The following PPP2R5E variants were observed in gnomAD, a reference collection of about 807,000 sequenced individuals.
PPP2R5E encodes the protein protein phosphatase 2 regulatory subunit B'epsilon.
In PPP2R5E, 4 loss-of-function variants were observed where a neutral mutation model predicts 65.3. The ratio of observed to expected loss-of-function variants is 0.06; its 90% CI spans 0.03 to 0.14. The LOEUF is 0.14. Among genes scored for constraint, PPP2R5E ranks in the 10% least tolerant of loss-of-function variants. PPP2R5E has a pLI of 1.00. For synonymous variants in PPP2R5E, 183 were observed against 187.4 expected, an observed-to-expected ratio of 0.98 and a Z score of 0.19; for missense variants, 274 against 556.1, an observed-to-expected ratio of 0.49 and a Z score of 5.10.
chr14:63,440,981 G>A (rs118111274), intron 3 of PPP2R5E, among the ~76,000 whole-genome samples: 1 of 149,918 alleles, frequency 6.7e-6, no homozygotes, highest in Non-Finnish European at 1.5e-5. Flanking sequence ...TATGGGTTCT[G>A]GAACCAGATC....
At chr14:63,465,467 A>C (rs892221009) in intron 2 of PPP2R5E, among the ~76,000 whole-genome samples, 12 of 81,674 alleles carry the variant, frequency 1.5e-4, no homozygotes, top group Admixed American at 1.1e-3. Context: ...AAAAAAAAAA[A>C]AAAAAACAAC....
intron 4 of PPP2R5E, among the ~76,000 whole-genome samples, chr14:63,421,431 AG>A (rs1566689494): frequency 6.6e-6 from 1 of 152,210 alleles, no homozygotes; most frequent in South Asian, 2.1e-4. Context: ...CTGGCACATA[AG>A]TGTGATTGGA....
chr14:63,421,958 A>C (rs1887051229), intron 4 of PPP2R5E, 35 bp downstream of exon 4: 3 of 1,501,770 alleles, frequency 2.0e-6, no homozygotes, highest in East Asian at 4.5e-5. Context: ...GAGTTAATGG[A>C]GTTTTCTTTT....
intron 3 of PPP2R5E, among the ~76,000 whole-genome samples, chr14:63,443,276 A>C (rs928848398): frequency 1.8e-4 from 27 of 152,254 alleles, no homozygotes; most frequent in African/African-American, 6.0e-4. Flanking sequence ...AAACTAAATT[A>C]ACTTTGGAAA....
At chr14:63,386,665 G>T (rs1183465562) in intron 11 of PPP2R5E, among the ~76,000 whole-genome samples, 2 of 152,194 alleles carry the variant, frequency 1.3e-5, no homozygotes, top group Admixed American at 6.5e-5. Flanking sequence ...GCTCATGCCT[G>T]TAATCTCAGC....
At position 63,421,985 on chromosome 14, in the gene PPP2R5E, C is replaced by A; in HGVS notation, c.456+8G>T. The A allele has an allele frequency of 6.3e-7, 1 of 1,589,824 alleles. No individual in the cohort carries two copies. The highest frequency in any genetic ancestry group is 2.2e-5 in the East Asian group (1 of 44,796). On this transcript the variant is annotated splice_region_variant and intron_variant, in intron 4 of 13. Coordinates refer to ENST00000337537, the MANE Select transcript of PPP2R5E (RefSeq NM_006246.5). Reference sequence around the variant, plus strand: ...TTTTCTTTTATAACAAATGGTATTTCAAAGTACCTGTAAGTGTGGCCACGA... The same window carrying A: ...TTTTCTTTTATAACAAATGGTATTTAAAAGTACCTGTAAGTGTGGCCACGA...
chr14:63,389,572 TA>T, intron 11 of PPP2R5E, 39 bp downstream of exon 11: 1 of 1,543,990 alleles, frequency 6.5e-7, no homozygotes, highest in Non-Finnish European at 8.7e-7. Context: ...TTAACCAAAA[TA>T]ACTCATGCTC....
intron 3 of PPP2R5E, among the ~76,000 whole-genome samples, chr14:63,428,152 TCAGACCTCCAG>T (rs1887440973): frequency 6.6e-6 from 1 of 152,186 alleles, no homozygotes; most frequent in Non-Finnish European, 1.5e-5. Context: ...CACTGCCGGT[TCAGACCTCCAG>T]CAGCAAACAT....
At chr14:63,441,590 A>C (rs112565706) in intron 3 of PPP2R5E, among the ~76,000 whole-genome samples, 1,788 of 152,346 alleles carry the variant, frequency 0.012, 34 homozygotes, top group African/African-American at 0.04. Context: ...AAATTTAAGC[A>C]AAAGCAAGTT....
intron 11 of PPP2R5E, among the ~76,000 whole-genome samples, chr14:63,384,904 C>T (rs1884574758): frequency 6.6e-6 from 1 of 152,130 alleles, no homozygotes; most frequent in Non-Finnish European, 1.5e-5. Context: ...CCACATTGGC[C>T]AGGATGGTCT....
At chr14:63,389,931 C>T (rs931321285) in intron 10 of PPP2R5E, among the ~76,000 whole-genome samples, 200 bp from the exon 11 acceptor site, 3 of 152,084 alleles carry the variant, frequency 2.0e-5, no homozygotes, top group Admixed American at 6.6e-5. Context: ...AAAAATTCTA[C>T]GTACTTGGAA....
intron 13 of PPP2R5E, among the ~76,000 whole-genome samples, chr14:63,377,271 C>A (rs930181261): frequency 6.6e-5 from 10 of 152,290 alleles, no homozygotes; most frequent in Non-Finnish European, 1.3e-4. Flanking sequence ...CCATGCACTA[C>A]CCCACTTAGC....
chr14:63,443,439 A>T (rs1404488405), intron 3 of PPP2R5E, among the ~76,000 whole-genome samples: 1 of 152,168 alleles, frequency 6.6e-6, no homozygotes, highest in Non-Finnish European at 1.5e-5. Flanking sequence ...GAGAGAAGTG[A>T]CAGGATTTTA....
intron 13 of PPP2R5E, among the ~76,000 whole-genome samples, chr14:63,379,489 C>T (rs1253024621): frequency 1.3e-5 from 2 of 152,116 alleles, no homozygotes; most frequent in Non-Finnish European, 2.9e-5. Flanking sequence ...TCAGGCTGGT[C>T]GCAAATTCCC....
intron 4 of PPP2R5E, among the ~76,000 whole-genome samples, chr14:63,416,966 T>A (rs986094148): frequency 6.6e-6 from 1 of 152,222 alleles, no homozygotes; most frequent in Non-Finnish European, 1.5e-5. Context: ...ATTGTAGATA[T>A]TCTTCTTTGA....
chr14:63,428,858 C>G (rs958786435), intron 3 of PPP2R5E, among the ~76,000 whole-genome samples: 1 of 152,092 alleles, frequency 6.6e-6, no homozygotes, highest in African/African-American at 2.4e-5. Context: ...AAAAAATCAC[C>G]ATTCCTAATC....
At chr14:63,488,223 G>A (rs1254098934) in intron 2 of PPP2R5E, among the ~76,000 whole-genome samples, 2 of 151,282 alleles carry the variant, frequency 1.3e-5, no homozygotes, top group African/African-American at 2.4e-5. Flanking sequence ...TTTGAGACAG[G>A]GCCTTGCTCT....
chr14:63,399,366 C>CTTTTTG (rs1885606310), intron 5 of PPP2R5E, among the ~76,000 whole-genome samples: 1 of 48,504 alleles, frequency 2.1e-5, no homozygotes, highest in Non-Finnish European at 3.6e-5. Context: ...GGATTTCTTT[C>CTTTTTG]TTTTTTTTTT....
chr14:63,447,092 G>A (rs747845437), intron 3 of PPP2R5E, among the ~76,000 whole-genome samples: 5 of 152,080 alleles, frequency 3.3e-5, no homozygotes, highest in Non-Finnish European at 4.4e-5. Flanking sequence ...GTTGTTAGAC[G>A]CCCTAAGATT....
Sources: allele counts gnomAD v4.1 joint callset (sites outside exome capture counted in the v4.1 genomes callset), GRCh38; gene constraint gnomAD v4.1.1; transcripts MANE v1.5; gene names NCBI Gene and HGNC (gene_info 2026-07-23, HGNC 2026-07-21).